Variants in ATG13 observed in about 807,000 individuals in gnomAD.
ATG13 encodes autophagy related 13, also known as autophagy-related protein 13.
A neutral mutation model predicts 65.5 loss-of-function variants in ATG13; 23 were observed. The ratio of observed to expected loss-of-function variants is 0.35; its 90% confidence interval spans 0.25 to 0.50. ATG13 has a LOEUF of 0.50. ATG13 is among the 20% of genes least tolerant of loss of function. The pLI is 0.98. For synonymous variants in ATG13, 252 were observed against 245.2 expected, an observed-to-expected ratio of 1.03 and a Z score of -0.26; for missense variants, 566 against 677.0, an observed-to-expected ratio of 0.84 and a Z score of 1.82.
At chr11:46,663,564 T>C (rs2061629056) in intron 11 of ATG13, among the ~76,000 whole-genome samples, 1 of 152,198 alleles carries the variant, frequency 6.6e-6, no homozygotes, top group Non-Finnish European at 1.5e-5. Context: ...TGAAAAAGGC[T>C]TTCAGTTGAA....
In ATG13 at chr11:46,645,381, T is replaced by C. The variant is rs377219841; in HGVS notation, c.112T>C (p.Cys38Arg). ...CCAGGCTCGGCTTGGTGAAAAGATTTGCACTCGTTCATCATCTTCTCCAAC... is the reference window on the plus strand; with the variant it reads ...CCAGGCTCGGCTTGGTGAAAAGATTCGCACTCGTTCATCATCTTCTCCAAC... ...IVQARLGEKI[C>R]TRSSSSPTGS... The change falls in exon 4 of 19, where the codon TGC becomes CGC. Residue 38 changes from cysteine to arginine, a missense_variant. Around this residue, in one of 2 missense-constraint regions of ATG13, gnomAD observed 179 missense variants for 267.2 expected, o/e 0.67. Coordinates refer to ENST00000683050, the MANE Select transcript of ATG13 (RefSeq NM_001346311.2). 1 of 1,613,980 alleles carries C rather than the reference T, an allele frequency of 6.2e-7. No homozygotes were observed. Among genetic ancestry groups the C allele is most frequent in the Non-Finnish European group, 8.5e-7 (1 of 1,179,968 alleles).
At chr11:46,672,186 G>T in intron 18 of ATG13, 69 bp from the exon 19 acceptor site, 3 of 1,609,084 alleles carry the variant, frequency 1.9e-6, no homozygotes, top group South Asian at 1.1e-5. Flanking sequence ...TCCCCTCTTC[G>T]GGACTGGGCT....
At chr11:46,658,841 A>G (rs1286915330) in intron 10 of ATG13, among the ~76,000 whole-genome samples, 1 of 151,976 alleles carries the variant, frequency 6.6e-6, no homozygotes, top group Non-Finnish European at 1.5e-5. Flanking sequence ...AATTTAGAAA[A>G]AAAGAAAAGA....
chr11:46,642,243 C>T (rs1263229967), intron 2 of ATG13, among the ~76,000 whole-genome samples: 2 of 150,958 alleles, frequency 1.3e-5, no homozygotes, highest in Non-Finnish European at 2.9e-5. Flanking sequence ...ACTCCTTTGT[C>T]CTGTTTCTTA....
intron 2 of ATG13, among the ~76,000 whole-genome samples, chr11:46,632,995 T>TAA (rs369521444): frequency 0.024 from 2,488 of 103,908 alleles, 102 homozygotes; most frequent in African/African-American, 0.083. Context: ...AGACCCCCAT[T>TAA]AAAAAAAAAT....
intron 2 of ATG13, among the ~76,000 whole-genome samples, chr11:46,641,424 A>G (rs1448976910): frequency 6.6e-6 from 1 of 152,216 alleles, no homozygotes; most frequent in Non-Finnish European, 1.5e-5. Flanking sequence ...CTATGAAGCA[A>G]TGAAAAAGAA....
intron 1 of ATG13, among the ~76,000 whole-genome samples, chr11:46,618,528 G>C (rs2046112028): frequency 6.6e-6 from 1 of 152,136 alleles, no homozygotes; most frequent in South Asian, 2.1e-4. Flanking sequence ...AAAGAAAAAA[G>C]AGATTTTAAA....
At chr11:46,622,794 A>G (rs1448331331) in intron 1 of ATG13, among the ~76,000 whole-genome samples, 3 of 152,154 alleles carry the variant, frequency 2.0e-5, no homozygotes, top group Non-Finnish European at 4.4e-5. Flanking sequence ...AGATTCCAAC[A>G]CTTGTTGAAC....
At chr11:46,656,194 A>C (rs771194852) in intron 7 of ATG13, 39 bp from the exon 8 acceptor site, 2 of 1,592,948 alleles carry the variant, frequency 1.3e-6, no homozygotes, top group Non-Finnish European at 8.6e-7. Flanking sequence ...CTTAGGAGTA[A>C]AGAATCAGGT....
chr11:46,670,769 C>T (rs933155787), intron 18 of ATG13, among the ~76,000 whole-genome samples: 1 of 151,920 alleles, frequency 6.6e-6, no homozygotes, highest in Non-Finnish European at 1.5e-5. Context: ...GCCATGTTTG[C>T]GCCACTGCCT....
At chr11:46,656,189 G>A in intron 7 of ATG13, 44 bp from the exon 8 acceptor site, 2 of 1,574,280 alleles carry the variant, frequency 1.3e-6, no homozygotes, top group Non-Finnish European at 8.7e-7. Flanking sequence ...AGGCCCTTAG[G>A]AGTAAAGAAT....
chr11:46,620,286 G>C (rs1162014138), intron 1 of ATG13, among the ~76,000 whole-genome samples: 1 of 150,914 alleles, frequency 6.6e-6, no homozygotes, highest in African/African-American at 2.4e-5. Context: ...GTGGAGATGA[G>C]GTTTCACCGA....
At chr11:46,633,652 T>A (rs1291067339) in intron 2 of ATG13, among the ~76,000 whole-genome samples, 1 of 151,916 alleles carries the variant, frequency 6.6e-6, no homozygotes, top group Admixed American at 6.6e-5. Flanking sequence ...TGGCCAAAAA[T>A]TTTTTTTAAT....
chr11:46,670,480 CAAA>C (rs552531117), intron 18 of ATG13, among the ~76,000 whole-genome samples: 7 of 81,696 alleles, frequency 8.6e-5, no homozygotes, highest in African/African-American at 9.7e-5. Flanking sequence ...GACTCCATCT[CAAA>C]AAAAAAAAAA....
chr11:46,618,060 T>G lies in ATG13; in HGVS notation c.-70+170T>G, dbSNP rs1300543168. On this transcript the variant is annotated intron_variant, in intron 1 of 18. Transcript: ENST00000683050. ...GGAAGTTGAGTTGGTCTAGGCCCCG[T>G]TGGCCCCTGCTTGTTTGGCAGAGAA... Among the ~76,000 whole-genome samples the G allele has an allele frequency of 2.6e-5, 4 of 152,148 alleles. No homozygotes were observed. The East Asian group carries it at 7.7e-4, about 29-fold the overall frequency.
Position 46,667,866 on chromosome 11 carries a change from T to C in ATG13, c.1230T>C (p.Phe410=). The change falls in exon 15 of 19, where the codon TTT becomes TTC. Residue 410 remains phenylalanine, a synonymous_variant. Coordinates refer to ENST00000683050, the MANE Select transcript of ATG13 (RefSeq NM_001346311.2). ...TCTTTGTCCGAAAAGTGGGGGCTTT[T>C]GTCAACAAACCCATTAACCAGGTGA... ...ETIFVRKVGA[F]VNKPINQVTL... 6.2e-7 allele frequency: 1 copy of C among 1,612,688 alleles called. No individual in the cohort carries two copies. The highest frequency in any genetic ancestry group is 8.5e-7 in the Non-Finnish European group (1 of 1,178,786).
In ATG13 at chr11:46,665,797, CTTT is replaced by C. The variant is rs1159523560; in HGVS notation, c.1136+300_1136+302del. ...TGTCTCTCAAAAAAATTTATTTTTC[CTTT>C]TTTTTTTTTTTTTTTTTTTTTGGAG... is the stretch of plus-strand genomic sequence containing the variant. On this transcript the variant is annotated intron_variant, in intron 14 of 18. Transcript: ENST00000683050. 6.2e-3 allele frequency among the ~76,000 whole-genome samples: 544 copies of C among 87,758 alleles called. 4 individuals are homozygous for C. Among genetic ancestry groups the C allele is most frequent in the African/African-American group, 0.016 (315 of 20,230 alleles). The allele number at this position is 87,758 out of a possible 152,430, so 57.6% of individuals were successfully genotyped here.
At chr11:46,657,487 T>G in intron 9 of ATG13, 37 bp from the exon 10 acceptor site, 1 of 1,590,298 alleles carries the variant, frequency 6.3e-7, no homozygotes, top group Non-Finnish European at 8.6e-7. Context: ...TGGAAAGGCA[T>G]TCTAACAAAT....
chr11:46,643,630 T>TA (rs1227394274), intron 2 of ATG13, among the ~76,000 whole-genome samples: 2 of 150,722 alleles, frequency 1.3e-5, no homozygotes, highest in African/African-American at 2.4e-5. Flanking sequence ...TTTTTTTTTT[T>TA]AAATGAGACC....
Sources: gnomAD v4.1 joint callset for allele counts (sites outside exome capture counted in the v4.1 genomes callset) on GRCh38, gnomAD v4.1.1 for gene constraint, gnomAD v4.1.1 regional missense constraint, MANE v1.5 for transcripts, NCBI Gene and HGNC (gene_info 2026-07-23, HGNC 2026-07-21) for gene names.